Variants in B3GALNT2 observed in about 807,000 individuals in gnomAD.
B3GALNT2 encodes the protein UDP-GalNAc:beta-1,3-N-acetylgalactosaminyltransferase 2.
In B3GALNT2, 53 loss-of-function variants were observed where a neutral mutation model predicts 61.1. That is an observed-to-expected ratio of 0.87 (90% CI 0.70 to 1.09). The LOEUF is 1.09. B3GALNT2 is among the 50% of genes least tolerant of loss of function. The probability of loss-of-function intolerance (pLI) is 0.00; values close to 1 mark genes in which losing one functional copy is unlikely to be tolerated. For missense variants in B3GALNT2, 544 were observed against 623.0 expected, an observed-to-expected ratio of 0.87 and a Z score of 1.35; for synonymous variants, 223 against 237.4, an observed-to-expected ratio of 0.94 and a Z score of 0.56.
At chr1:235,494,194 G>A (rs974067031) in intron 2 of B3GALNT2, among the ~76,000 whole-genome samples, 1 of 152,206 alleles carries the variant, frequency 6.6e-6, no homozygotes, top group Non-Finnish European at 1.5e-5. Context: ...TGTCTAAGGA[G>A]AGAACTGCTC....
intron 4 of B3GALNT2, among the ~76,000 whole-genome samples, chr1:235,481,912 A>G (rs1684579589): frequency 6.6e-6 from 1 of 152,190 alleles, no homozygotes; most frequent in South Asian, 2.1e-4. Flanking sequence ...GTCTATAAAC[A>G]CATCAACAAA....
chr1:235,491,830 A>C (rs1685087404), intron 2 of B3GALNT2, among the ~76,000 whole-genome samples: 1 of 151,618 alleles, frequency 6.6e-6, no homozygotes, highest in Admixed American at 6.6e-5. Context: ...TTTTCTTTAT[A>C]TACACCTCTC....
rs142070103 is a variant in B3GALNT2, at chr1:235,481,333, C to T, written c.556-1184G>A. 5.3e-4 allele frequency among the ~76,000 whole-genome samples: 81 copies of T among 152,246 alleles called. 1 individual carries two copies. In the East Asian group the frequency reaches 0.014, roughly 26 times the overall value. On this transcript the variant is annotated intron_variant, in intron 4 of 11. Coordinates refer to ENST00000366600, the MANE Select transcript of B3GALNT2 (RefSeq NM_152490.5). ...GAACCAAACTACTTGATTGATAACT[C>T]GCACACTATAAATAGTTTTGTTTTT...
At chr1:235,481,112 G>A (rs1274818784) in intron 4 of B3GALNT2, among the ~76,000 whole-genome samples, 1 of 151,870 alleles carries the variant, frequency 6.6e-6, no homozygotes, top group Non-Finnish European at 1.5e-5. Flanking sequence ...ACATTTCAAT[G>A]GATTATGTCT....
intron 8 of B3GALNT2, 124 bp downstream of exon 8, chr1:235,458,479 G>T: frequency 7.6e-7 from 1 of 1,316,314 alleles, no homozygotes; most frequent in African/African-American, 1.5e-5. Context: ...GCACTCAGGA[G>T]TTCAAGACCA....
At chr1:235,500,090 C>T (rs1685518914) in intron 1 of B3GALNT2, among the ~76,000 whole-genome samples, 1 of 152,112 alleles carries the variant, frequency 6.6e-6, no homozygotes, top group Admixed American at 6.6e-5. Context: ...TTGTTTTCTT[C>T]TGAGACCCTA....
In B3GALNT2 at chr1:235,504,179, G is replaced by A; in HGVS notation, c.74C>T (p.Ser25Phe). ...AALHLWLRLR[S>F]PPPACASGAG... Reference sequence around the variant, plus strand: ...CCCGGAGGCGCAGGCGGGCGGCGGGGAGCGCAGCCGCAGCCAGAGGTGCAG... The same window carrying A: ...CCCGGAGGCGCAGGCGGGCGGCGGGAAGCGCAGCCGCAGCCAGAGGTGCAG... The change falls in exon 1 of 12, where the codon TCC (serine) becomes TTC (phenylalanine). Residue 25 changes from serine to phenylalanine, a missense_variant. Ser to Phe is a radical substitution (Grantham distance 155, BLOSUM62 -2). Transcript: ENST00000366600. The A allele has an allele frequency of 1.5e-6, 2 of 1,310,190 alleles. No individual in the cohort carries two copies. Among genetic ancestry groups the A allele is most frequent in the South Asian group, 2.2e-5 (1 of 44,558 alleles). The allele number at this position is 1,310,190 out of a possible 1,614,324, so 81.2% of individuals were successfully genotyped here. A position where few individuals can be genotyped will look rare whatever the true frequency, so the allele number is the denominator to read the frequency against.
At chr1:235,502,480 G>A (rs1173010135) in intron 1 of B3GALNT2, among the ~76,000 whole-genome samples, 1 of 152,124 alleles carries the variant, frequency 6.6e-6, no homozygotes, top group Non-Finnish European at 1.5e-5. Flanking sequence ...CTCATTCAAA[G>A]CCAAAGTTAA....
chr1:235,484,372 C>T lies in B3GALNT2; in HGVS notation c.505G>A (p.Val169Met). 1.2e-6 allele frequency: 2 copies of T among 1,614,150 alleles called. No homozygotes were observed. Among genetic ancestry groups the T allele is most frequent in the South Asian group, 1.1e-5 (1 of 91,080 alleles). The change falls in exon 4 of 12, where the codon GTG (valine) becomes ATG (methionine). Residue 169 changes from valine (V) to methionine (M), a missense_variant. Transcript: ENST00000366600. The part of the protein sequence containing the change: ...SLGVFYDAND[V>M]GFQRNITVKL... ...ACAGTGATGTTCCTCTGGAAACCCA[C>T]ATCATTGGCATCGTAGAACACTCCA...
At chr1:235,461,747 C>A (rs181626902) in intron 7 of B3GALNT2, among the ~76,000 whole-genome samples, 26 of 152,126 alleles carry the variant, frequency 1.7e-4, no homozygotes, top group Admixed American at 5.2e-4. Flanking sequence ...GAACTCCTGA[C>A]CTCGTGATCC....
chr1:235,451,227 T>A (rs529202863), intron 11 of B3GALNT2: 9 of 152,182 alleles, frequency 5.9e-5, no homozygotes, highest in Non-Finnish European at 1.2e-4. Context: ...TGTCTCAGTC[T>A]TGCCCCTCAG....
rs12047289 is a variant in B3GALNT2, at chr1:235,473,426, G to A, written c.652-2466C>T. Among the ~76,000 whole-genome samples the A allele has an allele frequency of 5.7e-3, 863 of 152,296 alleles. 9 individuals are homozygous for A. The highest frequency in any genetic ancestry group is 0.03 in the East Asian group (157 of 5,186). ...AACTGATAGGACTTGGTGAGTACCTGGACATGAGAGTGACGATAACTCTCA... is the reference window on the plus strand; with the variant it reads ...AACTGATAGGACTTGGTGAGTACCTAGACATGAGAGTGACGATAACTCTCA... On this transcript the variant is annotated intron_variant, in intron 5 of 11. Transcript: ENST00000366600.
chr1:235,497,199 T>C (rs1405332056), intron 1 of B3GALNT2, among the ~76,000 whole-genome samples: 1 of 152,200 alleles, frequency 6.6e-6, no homozygotes, highest in Non-Finnish European at 1.5e-5. Flanking sequence ...AGAGACTAAT[T>C]TAAATGACTA....
intron 7 of B3GALNT2, chr1:235,465,385 T>A (rs1683637956): frequency 2.7e-6 from 1 of 372,804 alleles, no homozygotes; most frequent in East Asian, 4.4e-5. Context: ...TCAGTAGTTG[T>A]TAGGGGGTGG....
Position 235,504,439 on chromosome 1 carries a change from G to T in B3GALNT2, c.-187C>A. 1 of 569,198 alleles carries T rather than the reference G, an allele frequency of 1.8e-6. No homozygotes were observed. Among genetic ancestry groups the T allele is most frequent in the Non-Finnish European group, 2.8e-6 (1 of 362,552 alleles). 35.3% of individuals were successfully genotyped at this position (569,198 alleles called of 1,614,324 possible). On this transcript the variant is annotated 5_prime_UTR_variant, in exon 1 of 12. Transcript: ENST00000366600. ...CGCTCCTCCGGTCCCTCAGACCGCGGGTGGCCGCGGCTTAGCCGGCCGAAG... is the reference window on the plus strand; with the variant it reads ...CGCTCCTCCGGTCCCTCAGACCGCGTGTGGCCGCGGCTTAGCCGGCCGAAG...
intron 3 of B3GALNT2, among the ~76,000 whole-genome samples, chr1:235,485,124 C>T (rs1684742046): frequency 6.6e-6 from 1 of 152,198 alleles, no homozygotes; most frequent in Non-Finnish European, 1.5e-5. Context: ...TATATCTTCA[C>T]TACTACCCTT....
chr1:235,452,880 A>T (rs1393680731), intron 11 of B3GALNT2, among the ~76,000 whole-genome samples: 3 of 152,068 alleles, frequency 2.0e-5, no homozygotes, highest in Non-Finnish European at 1.5e-5. Context: ...CCAACATGAC[A>T]CTCAAAGGAA....
In B3GALNT2 at chr1:235,451,753, T is replaced by C. The variant is rs186944195; in HGVS notation, c.1368+1337A>G. 7.2e-5 allele frequency: 11 copies of C among 152,310 alleles called. No homozygotes were observed. The East Asian group carries it at 2.1e-3, about 29-fold the overall frequency. The allele number at this position is 152,310 out of a possible 1,614,324, so 9.4% of individuals were successfully genotyped here. On this transcript the variant is annotated intron_variant, in intron 11 of 11. Coordinates refer to ENST00000366600, the MANE Select transcript of B3GALNT2 (RefSeq NM_152490.5). ...CTAACTGACAGACACTGCATGTGCC[T>C]TCTGTCCCCTGCACCTTCGATGGCC...
chr1:235,461,507 GTTTTTTTTTTTTTTTT>G (rs57611133), intron 7 of B3GALNT2, among the ~76,000 whole-genome samples: 2 of 63,378 alleles, frequency 3.2e-5, no homozygotes, highest in South Asian at 6.4e-4. Flanking sequence ...ATGACCTCCT[GTTTTTTTTTTTTTTTT>G]TTTTTTTTTT....
Sources: gnomAD v4.1 joint callset for allele counts (sites outside exome capture counted in the v4.1 genomes callset) on GRCh38, gnomAD v4.1.1 for gene constraint, MANE v1.5 for transcripts, NCBI Gene and HGNC (gene_info 2026-07-23, HGNC 2026-07-21) for gene names.